The following ZSWIM5 variants were observed in gnomAD, a reference collection of about 807,000 sequenced individuals.
ZSWIM5 encodes the protein zinc finger SWIM-type containing 5.
Under a neutral mutation model 119.6 loss-of-function variants are expected in ZSWIM5, and 55 were observed. The observed-to-expected ratio is 0.46, with a 90% confidence interval of 0.37 to 0.58. The LOEUF (loss-of-function observed/expected upper bound fraction) is 0.58. ZSWIM5 is among the 20% of genes least tolerant of loss of function. ZSWIM5 has a pLI of 0.00. For missense variants in ZSWIM5, 1,193 were observed against 1,512.8 expected (o/e 0.79, Z 3.51); for synonymous variants, 537 against 606.9 (o/e 0.88, Z 1.69).
chr1:45,033,986 C>G (rs1644967626), intron 11 of ZSWIM5, among the ~76,000 whole-genome samples: 1 of 151,982 alleles, frequency 6.6e-6, no homozygotes, highest in Admixed American at 6.5e-5. Flanking sequence ...TCCCGAGTAG[C>G]TGGGACTACA....
intron 5 of ZSWIM5, among the ~76,000 whole-genome samples, chr1:45,047,017 CAA>C (rs35174853): frequency 0.75 from 69,449 of 92,496 alleles, 24,802 homozygotes; most frequent in Middle Eastern, 0.86. Flanking sequence ...AACTCTGTCT[CAA>C]AAAAAAAAAA....
At chr1:45,133,623 C>T (rs896032783) in intron 1 of ZSWIM5, among the ~76,000 whole-genome samples, 1 of 152,134 alleles carries the variant, frequency 6.6e-6, no homozygotes, top group Non-Finnish European at 1.5e-5. Context: ...AATTAGATCC[C>T]ATTTGTCAAT....
chr1:45,191,004 T>C (rs981715556), intron 1 of ZSWIM5, among the ~76,000 whole-genome samples: 9 of 130,982 alleles, frequency 6.9e-5, no homozygotes, highest in Admixed American at 1.8e-4. Flanking sequence ...CGGAGTGCAG[T>C]GGCGCTATCT....
In ZSWIM5 at chr1:45,206,574, C is replaced by T; in HGVS notation, c.-224G>A. 1.0e-6 allele frequency: 1 copy of T among 988,346 alleles called. No homozygotes were observed. The highest frequency in any genetic ancestry group is 1.2e-6 in the Non-Finnish European group (1 of 831,084). The allele number at this position is 988,346 out of a possible 1,614,324, so 61.2% of individuals were successfully genotyped here. On this transcript the variant is annotated 5_prime_UTR_variant, in exon 1 of 14. Transcript: ENST00000359600. ...GCCTGCAGGGTAGCGTGAGGCGGCG[C>T]GCGGTGTCCTGGCCGCCGCGGACGC...
chr1:45,194,232 T>A (rs1464493323), intron 1 of ZSWIM5, among the ~76,000 whole-genome samples: 1 of 152,040 alleles, frequency 6.6e-6, no homozygotes, highest in Non-Finnish European at 1.5e-5. Flanking sequence ...CATGAATGAA[T>A]AGGGGGAAAA....
intron 1 of ZSWIM5, among the ~76,000 whole-genome samples, chr1:45,124,708 G>T (rs1341635146): frequency 6.6e-6 from 1 of 152,104 alleles, no homozygotes; most frequent in Non-Finnish European, 1.5e-5. Context: ...AGTATATCCT[G>T]TCTAGAAGGA....
At chr1:45,096,758 A>C (rs1338578207) in intron 1 of ZSWIM5, among the ~76,000 whole-genome samples, 1 of 152,158 alleles carries the variant, frequency 6.6e-6, no homozygotes, top group Admixed American at 6.6e-5. Flanking sequence ...CAGCTTCCCT[A>C]CCTGACCTGT....
At chr1:45,095,388 A>G (rs535485611) in intron 1 of ZSWIM5, among the ~76,000 whole-genome samples, 8 of 152,242 alleles carry the variant, frequency 5.3e-5, no homozygotes, top group Middle Eastern at 3.4e-3. Flanking sequence ...AGCCTCCCAA[A>G]GTCCTGGGAT....
At chr1:45,106,676 C>T (rs1052119850) in intron 1 of ZSWIM5, among the ~76,000 whole-genome samples, 3 of 152,190 alleles carry the variant, frequency 2.0e-5, no homozygotes, top group Non-Finnish European at 2.9e-5. Context: ...GCGCCTCCGC[C>T]AGGCTGCCCC....
intron 1 of ZSWIM5, among the ~76,000 whole-genome samples, chr1:45,125,313 T>C (rs918365268): frequency 2.6e-5 from 4 of 151,804 alleles, no homozygotes; most frequent in African/African-American, 9.7e-5. Flanking sequence ...CACCCAACAC[T>C]TGGAAATTAA....
chr1:45,034,731 T>C lies in ZSWIM5; in HGVS notation c.2292-262A>G, dbSNP rs116506980. ...CTATCGGGTTGAATAGTATGATATA[T>C]TGTAAAAAGAGAGAAAAGTTAATAC... is the stretch of plus-strand genomic sequence containing the variant. On this transcript the variant is annotated intron_variant, in intron 10 of 13. Transcript: ENST00000359600. Among the ~76,000 whole-genome samples the C allele has an allele frequency of 9.9e-3, 1,513 of 152,298 alleles. 25 individuals carry two copies. Among genetic ancestry groups the C allele is most frequent in the African/African-American group, 0.035 (1,434 of 41,554 alleles).
At chr1:45,026,654 CAT>C (rs1335208465) in intron 11 of ZSWIM5, among the ~76,000 whole-genome samples, 3 of 152,150 alleles carry the variant, frequency 2.0e-5, no homozygotes, top group Non-Finnish European at 4.4e-5. Flanking sequence ...CATTTATGCT[CAT>C]GAGTCATACT....
At chr1:45,195,070 C>T (rs1163023421) in intron 1 of ZSWIM5, among the ~76,000 whole-genome samples, 1 of 152,136 alleles carries the variant, frequency 6.6e-6, no homozygotes, top group Non-Finnish European at 1.5e-5. Flanking sequence ...TCTATTATTA[C>T]AGAACATTGT....
intron 11 of ZSWIM5, 122 bp from the exon 12 acceptor site, chr1:45,020,910 GC>G (rs1215967730): frequency 8.4e-7 from 1 of 1,193,276 alleles, no homozygotes; most frequent in Non-Finnish European, 1.2e-6. Flanking sequence ...GAATGCTACC[GC>G]CCCTTCTGGG....
chr1:45,027,915 G>C (rs1644930004), intron 11 of ZSWIM5, among the ~76,000 whole-genome samples: 1 of 151,880 alleles, frequency 6.6e-6, no homozygotes. Flanking sequence ...GCAATGGCAT[G>C]ATCTTGGCTC....
At chr1:45,025,630 A>T (rs140866888) in intron 11 of ZSWIM5, among the ~76,000 whole-genome samples, 1 of 152,204 alleles carries the variant, frequency 6.6e-6, no homozygotes, top group African/African-American at 2.4e-5. Flanking sequence ...TTGCTGGCAT[A>T]TAGGAAAGCA....
chr1:45,027,854 T>A (rs1467096727), intron 11 of ZSWIM5, among the ~76,000 whole-genome samples: 1 of 151,368 alleles, frequency 6.6e-6, no homozygotes, highest in Non-Finnish European at 1.5e-5. Context: ...CTTTTCTCTT[T>A]TTCTTCTTTC....
intron 1 of ZSWIM5, among the ~76,000 whole-genome samples, chr1:45,161,510 C>T (rs558249602): frequency 5.9e-5 from 9 of 152,156 alleles, no homozygotes; most frequent in African/African-American, 9.6e-5. Context: ...TAATTGGTGA[C>T]GCTGAACACT....
intron 4 of ZSWIM5, among the ~76,000 whole-genome samples, chr1:45,058,136 A>G (rs1267122320): frequency 6.6e-6 from 1 of 152,220 alleles, no homozygotes; most frequent in Non-Finnish European, 1.5e-5. Flanking sequence ...AAATGACCAT[A>G]TAAGTAAGCT....
Sources: allele counts gnomAD v4.1 joint callset (sites outside exome capture counted in the v4.1 genomes callset), GRCh38; gene constraint gnomAD v4.1.1; transcripts MANE v1.5; gene names NCBI Gene and HGNC (gene_info 2026-07-23, HGNC 2026-07-21).